The following SEMA3C variants were observed in gnomAD, a reference collection of about 807,000 sequenced individuals.
The protein encoded by SEMA3C is semaphorin 3C.
Under a neutral mutation model 89.4 loss-of-function variants are expected in SEMA3C, and 47 were observed. That is an observed-to-expected ratio of 0.53 (90% CI 0.42 to 0.67). The LOEUF is 0.67. SEMA3C is among the 30% of genes least tolerant of loss of function. The pLI is 0.00. For missense variants in SEMA3C, 839 were observed against 929.1 expected (o/e 0.90, Z 1.26); for synonymous variants, 310 against 320.2 (o/e 0.97, Z 0.34).
At position 80,889,965 on chromosome 7, in the gene SEMA3C, T is replaced by G. The variant is rs376912682; in HGVS notation, c.103+26714A>C. Among the ~76,000 whole-genome samples, 13 of 152,314 alleles carry G rather than the reference T, an allele frequency of 8.5e-5. No individual in the cohort carries two copies. The South Asian group carries it at 2.7e-3, about 32-fold the overall frequency. Reference sequence around the variant, plus strand: ...GGGTGTTTGCTTGTTTGATATGTAGTCTATTATTCTTATAATTGGAAAACT... The same window carrying G: ...GGGTGTTTGCTTGTTTGATATGTAGGCTATTATTCTTATAATTGGAAAACT... On this transcript the variant is annotated intron_variant, in intron 2 of 17. Transcript: ENST00000265361.
At chr7:80,825,669 A>T (rs985518689) in intron 4 of SEMA3C, among the ~76,000 whole-genome samples, 3 of 152,180 alleles carry the variant, frequency 2.0e-5, no homozygotes, top group African/African-American at 7.2e-5. Context: ...ATGGCAGTTC[A>T]TATGAATGAG....
upstream of SEMA3C, among the ~76,000 whole-genome samples, chr7:80,920,574 T>A (rs1792389437): frequency 6.6e-6 from 1 of 152,182 alleles, no homozygotes; most frequent in Non-Finnish European, 1.5e-5. Context: ...AGACTCACGC[T>A]GCATAGTCAA....
In SEMA3C at chr7:80,768,077, T is replaced by A. The variant is rs188548408; in HGVS notation, c.1355-2834A>T. Among the ~76,000 whole-genome samples, 87 of 152,350 alleles carry A rather than the reference T, an allele frequency of 5.7e-4. 1 individual carries two copies. The highest frequency in any genetic ancestry group is 1.0e-3 in the South Asian group (5 of 4,830). ...AAGTATAAGCACATAATCTTAGAAG[T>A]TGCAAAGCATACTCTGTAATTTAAA... On this transcript the variant is annotated intron_variant, in intron 12 of 17. Transcript: ENST00000265361.
In SEMA3C at chr7:80,751,329, G is replaced by A. The variant is rs138526129; in HGVS notation, c.1651C>T (p.Arg551Ter). 3.7e-6 allele frequency: 6 copies of A among 1,613,410 alleles called. No homozygotes were observed. Among genetic ancestry groups the A allele is most frequent in the Admixed American group, 1.7e-5 (1 of 59,954 alleles). Residue 551 changes from arginine to a stop codon, truncating the protein, a stop_gained, in exon 16 of 18, where the codon CGA (arginine) becomes TGA (stop). Transcript: ENST00000265361. LOFTEE classifies it high-confidence loss of function. ...TTTCCATGTCTCACATCTTGTCTTCGGCTCCTCCTGCAAGTGCAGAAATAC... is the reference window on the plus strand; with the variant it reads ...TTTCCATGTCTCACATCTTGTCTTCAGCTCCTCCTGCAAGTGCAGAAATAC... ...RFYPTGKRRS[R>*]RQDVRHGNPL...
chr7:80,879,438 T>C (rs1791282379), intron 2 of SEMA3C, among the ~76,000 whole-genome samples: 1 of 152,030 alleles, frequency 6.6e-6, no homozygotes, highest in African/African-American at 2.4e-5. Context: ...GCAAGAGAGA[T>C]GTGGGTGTAG....
chr7:80,798,017 C>T, intron 11 of SEMA3C, 75 bp downstream of exon 11: 2 of 1,441,478 alleles, frequency 1.4e-6, no homozygotes, highest in Non-Finnish European at 9.4e-7. Context: ...CCCCAAAAAA[C>T]CCCACAGATA....
chr7:80,860,858 T>C (rs1052270329), intron 2 of SEMA3C, among the ~76,000 whole-genome samples: 10 of 152,198 alleles, frequency 6.6e-5, no homozygotes, highest in African/African-American at 2.2e-4. Context: ...GGAGACCTAC[T>C]GCTTGGTGAG....
chr7:80,778,840 C>T (rs1788626282), intron 12 of SEMA3C, among the ~76,000 whole-genome samples: 1 of 152,206 alleles, frequency 6.6e-6, no homozygotes, highest in South Asian at 2.1e-4. Flanking sequence ...TGTTTGTTCT[C>T]AAGGCCACCA....
chr7:80,828,684 C>A lies in SEMA3C; in HGVS notation c.165G>T (p.Arg55Ser), dbSNP rs1286432236. Residue 55 changes from arginine (R) to serine (S), a missense_variant, in exon 3 of 18, where the codon AGG becomes AGT. By Grantham distance (110) the Arg-to-Ser change is moderately radical (BLOSUM62 -1). Coordinates refer to ENST00000265361, the MANE Select transcript of SEMA3C (RefSeq NM_006379.5). ...CCTGATCTTCATCCATTAATAAAATCCTGTAGTCTAAAGGATGGTGGGAAA... is the reference window on the plus strand; with the variant it reads ...CCTGATCTTCATCCATTAATAAAATACTGTAGTCTAAAGGATGGTGGGAAA... Reference protein sequence around the residue: ...FSLSHHPLDYRILLMDEDQDR... With the variant: ...FSLSHHPLDYSILLMDEDQDR... The A allele has an allele frequency of 1.2e-6, 2 of 1,612,032 alleles. No individual in the cohort carries two copies. Among genetic ancestry groups the A allele is most frequent in the East Asian group, 4.5e-5 (2 of 44,806 alleles).
chr7:80,895,558 C>T (rs538099415), intron 2 of SEMA3C, among the ~76,000 whole-genome samples: 59 of 152,090 alleles, frequency 3.9e-4, no homozygotes, highest in Non-Finnish European at 6.3e-4. Flanking sequence ...AAATTCGAAT[C>T]CTTGAAAAAT....
upstream of SEMA3C, chr7:80,919,138 G>A (rs1250972203): frequency 6.1e-6 from 6 of 984,470 alleles, no homozygotes; most frequent in African/African-American, 3.5e-5. Context: ...GCCCCGGCGC[G>A]CCGCCCTGCA....
At chr7:80,841,967 C>A (rs2115883631) in intron 2 of SEMA3C, among the ~76,000 whole-genome samples, 1 of 152,270 alleles carries the variant, frequency 6.6e-6, no homozygotes, top group Non-Finnish European at 1.5e-5. Flanking sequence ...AAGACATGTT[C>A]ATTTAACTTT....
intron 15 of SEMA3C, among the ~76,000 whole-genome samples, chr7:80,754,006 C>T (rs1562859225): frequency 1.3e-5 from 2 of 152,282 alleles, no homozygotes; most frequent in Admixed American, 6.5e-5. Flanking sequence ...GGTGCAATCT[C>T]GGCTCGCTGC....
chr7:80,777,301 T>G (rs530808292), intron 12 of SEMA3C, among the ~76,000 whole-genome samples: 156 of 147,846 alleles, frequency 1.1e-3, no homozygotes, highest in African/African-American at 3.1e-3. Flanking sequence ...TTATTTGGGG[T>G]TTTTTTTTTA....
At chr7:80,799,217 A>T (rs1232768664) in intron 10 of SEMA3C, among the ~76,000 whole-genome samples, 2 of 152,308 alleles carry the variant, frequency 1.3e-5, no homozygotes, top group East Asian at 3.9e-4. Flanking sequence ...ATTTAAAAAC[A>T]ACTTACTTGT....
intron 2 of SEMA3C, among the ~76,000 whole-genome samples, chr7:80,881,114 T>C (rs1791326959): frequency 6.6e-6 from 1 of 151,500 alleles, no homozygotes; most frequent in Non-Finnish European, 1.5e-5. Context: ...TAAAGAATGA[T>C]CTTCTACCAA....
intron 12 of SEMA3C, among the ~76,000 whole-genome samples, chr7:80,768,313 A>G (rs1788348893): frequency 6.6e-6 from 1 of 152,262 alleles, no homozygotes; most frequent in East Asian, 1.9e-4. Context: ...GGAGATCGAG[A>G]CCATCCTGGC....
At chr7:80,907,774 G>A (rs1188236179) in intron 2 of SEMA3C, among the ~76,000 whole-genome samples, 17 of 151,932 alleles carry the variant, frequency 1.1e-4, no homozygotes, top group Non-Finnish European at 2.5e-4. Context: ...TTCAAATCAA[G>A]GGGTAATTTA....
chr7:80,839,556 AC>A (rs2115869842), intron 2 of SEMA3C, among the ~76,000 whole-genome samples: 1 of 152,298 alleles, frequency 6.6e-6, no homozygotes, highest in South Asian at 2.1e-4. Flanking sequence ...ATGTTAAGAT[AC>A]GGAAAACATT....
Sources: allele counts gnomAD v4.1 joint callset (sites outside exome capture counted in the v4.1 genomes callset), GRCh38; gene constraint gnomAD v4.1.1; transcripts MANE v1.5; gene names NCBI Gene and HGNC (gene_info 2026-07-23, HGNC 2026-07-21).